The following SUMO3 variants were observed in gnomAD, a reference collection of about 807,000 sequenced individuals.
The protein encoded by SUMO3 is small ubiquitin-related modifier 3.
A neutral mutation model predicts 11.1 loss-of-function variants in SUMO3; 2 were observed. The observed-to-expected ratio is 0.18, with a 90% CI of 0.07 to 0.57. The LOEUF (loss-of-function observed/expected upper bound fraction) is 0.57, where lower values mean the gene tolerates loss of function less well. Among genes scored for constraint, SUMO3 ranks in the 20% least tolerant of loss-of-function variants. The probability of loss-of-function intolerance (pLI) is 0.92; values close to 1 mark genes in which losing one functional copy is unlikely to be tolerated. For missense variants in SUMO3, 70 were observed against 132.8 expected (o/e 0.53, Z 2.32); for synonymous variants, 56 against 53.5 (o/e 1.05, Z -0.20).
intron 2 of SUMO3, chr21:44,813,770 C>T (rs2083227106): frequency 2.7e-6 from 4 of 1,472,018 alleles, no homozygotes; most frequent in Middle Eastern, 2.5e-4. Context: ...GCCTCTAGGT[C>T]CCTCCACCTT....
At chr21:44,809,432 A>T (rs2083197280) in intron 2 of SUMO3, among the ~76,000 whole-genome samples, 1 of 152,172 alleles carries the variant, frequency 6.6e-6, no homozygotes, top group East Asian at 1.9e-4. Flanking sequence ...GCTCATTTTC[A>T]ACCCAGGTTT....
chr21:44,806,275 T>C lies in SUMO3; in HGVS notation c.*676A>G, dbSNP rs1247571913. Reference sequence around the variant, plus strand: ...TGAGCAGGGAGTGGGGTGGGAGGGGTGGCAGGGGGGTGGGTCCTGGGCCTC... The same window carrying C: ...TGAGCAGGGAGTGGGGTGGGAGGGGCGGCAGGGGGGTGGGTCCTGGGCCTC... On this transcript the variant is annotated 3_prime_UTR_variant, in exon 4 of 4. Transcript: ENST00000332859. The C allele has an allele frequency of 2.6e-5, 2 of 77,026 alleles. No individual in the cohort carries two copies. The highest frequency in any genetic ancestry group is 5.1e-5 in the Non-Finnish European group (2 of 39,306). 4.8% of individuals were successfully genotyped at this position (77,026 alleles called of 1,614,324 possible).
intron 2 of SUMO3, among the ~76,000 whole-genome samples, chr21:44,813,274 C>T (rs999772162): frequency 2.6e-5 from 4 of 152,138 alleles, no homozygotes; most frequent in African/African-American, 7.2e-5. Context: ...GCTGCAGGGC[C>T]GGGCCCCCAA....
In SUMO3 at chr21:44,806,580, C is replaced by T; in HGVS notation, c.*371G>A. The stretch of plus-strand genomic sequence containing the variant: ...CAATTCTCTATGTGACTGGAGTGAG[C>T]AGGGGAGAGGCAACCAACTCAGGAG... On this transcript the variant is annotated 3_prime_UTR_variant, in exon 4 of 4. Coordinates refer to ENST00000332859, the MANE Select transcript of SUMO3 (RefSeq NM_006936.3). 3.8e-6 allele frequency: 1 copy of T among 265,640 alleles called. No homozygotes were observed. The highest frequency in any genetic ancestry group is 3.8e-5 in the South Asian group (1 of 26,194). 16.5% of individuals were successfully genotyped at this position (265,640 alleles called of 1,614,324 possible).
intron 2 of SUMO3, chr21:44,813,401 T>G: frequency 5.4e-6 from 1 of 186,188 alleles, no homozygotes; most frequent in Non-Finnish European, 1.1e-5. Context: ...ACACACCACG[T>G]CACAAACAGC....
rs114887802 is a variant in SUMO3, at chr21:44,813,178, G to A, written c.150+798C>T. 7.5e-3 allele frequency among the ~76,000 whole-genome samples: 1,144 copies of A among 152,318 alleles called. 14 individuals carry two copies. Among genetic ancestry groups the A allele is most frequent in the African/African-American group, 0.025 (1,044 of 41,560 alleles). ...CAAAAGAGTAAAATAAAAGGGCAAC[G>A]AGTTGCTGTATTTTCAAAGCGGCTG... is the stretch of plus-strand genomic sequence containing the variant. On this transcript the variant is annotated intron_variant, in intron 2 of 3. Coordinates refer to ENST00000332859, the MANE Select transcript of SUMO3 (RefSeq NM_006936.3).
At chr21:44,815,557 G>A (rs2083238816) in intron 1 of SUMO3, among the ~76,000 whole-genome samples, 4 of 152,312 alleles carry the variant, frequency 2.6e-5, no homozygotes, top group African/African-American at 7.2e-5. Flanking sequence ...TAGGAAGGAA[G>A]AGCATGCAAA....
chr21:44,809,646 G>C (rs1395629143), intron 2 of SUMO3, among the ~76,000 whole-genome samples: 2 of 152,246 alleles, frequency 1.3e-5, no homozygotes, highest in Admixed American at 6.5e-5. Context: ...AGGTGAGGAA[G>C]CGTAACACGT....
chr21:44,818,027 A>ACGCTCTCGGCCCCGC lies in SUMO3; in HGVS notation c.-74_-60dup, dbSNP rs2083260249. 1 of 1,159,106 alleles carries ACGCTCTCGGCCCCGC rather than the reference A, an allele frequency of 8.6e-7. No homozygotes were observed. 71.8% of individuals were successfully genotyped at this position (1,159,106 alleles called of 1,614,324 possible). On this transcript the variant is annotated 5_prime_UTR_variant, in exon 1 of 4. Transcript: ENST00000332859. ...GGAAGCAGCGCGGAGCGGGCGAGTC[A>ACGCTCTCGGCCCCGC]CGCTCTCGGCCCCGCCGCTCTCCCG...
At position 44,811,035 on chromosome 21, in the gene SUMO3, CACAT is replaced by C. The variant is rs1469641074; in HGVS notation, c.151-1921_151-1918del. Among the ~76,000 whole-genome samples the C allele has an allele frequency of 6.9e-6, 1 of 143,896 alleles. No individual in the cohort carries two copies. Among genetic ancestry groups the C allele is most frequent in the East Asian group, 2.0e-4 (1 of 5,100 alleles). 94.4% of individuals were successfully genotyped at this position (143,896 alleles called of 152,430 possible). On this transcript the variant is annotated intron_variant, in intron 2 of 3. Coordinates refer to ENST00000332859, the MANE Select transcript of SUMO3 (RefSeq NM_006936.3). This position sits in a 1 kb window ranked among gnomAD's most constrained non-coding sequence, Gnocchi z 5.0. ...CCACATATGCACACACGCACACACC[CACAT>C]ACACACACGCACACACCCACACATA...
rs1187091352 is a variant in SUMO3, at chr21:44,807,953, G to A, written c.223-913C>T. Among the ~76,000 whole-genome samples, 4 of 152,134 alleles carry A rather than the reference G, an allele frequency of 2.6e-5. No homozygotes were observed. ...AGCGGTGTGTAGGTTTCCTCAAGTAGGTACAAATGGATACTTGTTGCAAAG... is the reference window on the plus strand; with the variant it reads ...AGCGGTGTGTAGGTTTCCTCAAGTAAGTACAAATGGATACTTGTTGCAAAG... On this transcript the variant is annotated intron_variant, in intron 3 of 3. Transcript: ENST00000332859. This position sits in a 1 kb window ranked among gnomAD's most constrained non-coding sequence, Gnocchi z 4.3.
chr21:44,813,736 G>T, intron 2 of SUMO3: 2 of 1,369,692 alleles, frequency 1.5e-6, no homozygotes, highest in Non-Finnish European at 9.7e-7. Context: ...CTGTCAGGAA[G>T]AAAAACCCAC....
At chr21:44,809,140 CA>C in intron 2 of SUMO3, 22 bp from the exon 3 acceptor site, 2 of 1,611,582 alleles carry the variant, frequency 1.2e-6, no homozygotes, top group South Asian at 2.2e-5. Flanking sequence ...AAGCAGTGGC[CA>C]TTAGTCTCAC....
In SUMO3 at chr21:44,814,173, C is replaced by G. The variant is rs919398650; in HGVS notation, c.22-69G>C. The G allele has an allele frequency of 1.2e-5, 19 of 1,576,862 alleles. No homozygotes were observed. In the African/African-American group the frequency reaches 2.3e-4, roughly 19 times the overall value. On this transcript the variant is annotated intron_variant, in intron 1 of 3. Transcript: ENST00000332859. ...ATAACCGCGACTTGAATGGGCAAGT[C>G]TTTAGGTAATTGTTGGCTTTTTAAA...
Position 44,809,028 on chromosome 21 carries a change from C to G in SUMO3, c.222+19G>C, listed in dbSNP as rs372856053. The G allele has an allele frequency of 6.2e-6, 10 of 1,612,698 alleles. No individual in the cohort carries two copies. The African/African-American group carries it at 9.3e-5, about 15-fold the overall frequency. The stretch of plus-strand genomic sequence containing the variant: ...CAAATCGGAAGTCGCCCTGGAACCA[C>G]GCGAAGCCAGCTCCGTACCTGTGCT... On this transcript the variant is annotated intron_variant, in intron 3 of 3. Transcript: ENST00000332859.
At chr21:44,815,748 C>A (rs1026080951) in intron 1 of SUMO3, among the ~76,000 whole-genome samples, 1 of 152,048 alleles carries the variant, frequency 6.6e-6, no homozygotes, top group Non-Finnish European at 1.5e-5. Flanking sequence ...GCTGCAGCCC[C>A]GGGAGAGGCT....
At chr21:44,813,507 C>T in intron 2 of SUMO3, 1 of 313,740 alleles carries the variant, frequency 3.2e-6, no homozygotes, top group South Asian at 6.8e-5. Context: ...GCTTTCTTGC[C>T]TTTCCTAACA....
chr21:44,813,809 C>T, intron 2 of SUMO3, 167 bp downstream of exon 2: 1 of 1,517,996 alleles, frequency 6.6e-7, no homozygotes. Context: ...CAAGCCCAGC[C>T]TGGACTAATT....
chr21:44,808,250 T>C (rs7283639), intron 3 of SUMO3: 25,566 of 275,754 alleles, frequency 0.093, 1,294 homozygotes, highest in East Asian at 0.11. Flanking sequence ...CGTTGGCTCA[T>C]GCCTTTAATC....
Sources: allele counts gnomAD v4.1 joint callset (sites outside exome capture counted in the v4.1 genomes callset), GRCh38; gene constraint gnomAD v4.1.1; non-coding constraint Gnocchi (gnomAD v3.1); transcripts MANE v1.5; gene names NCBI Gene and HGNC (gene_info 2026-07-23, HGNC 2026-07-21).